GRAMD2B: variants seen among roughly 807,000 people sequenced by gnomAD.
GRAMD2B encodes the protein GRAM domain-containing protein 2B.
In GRAMD2B, 41 loss-of-function variants were observed where a neutral mutation model predicts 59.2. The ratio of observed to expected loss-of-function variants is 0.69; its 90% confidence interval spans 0.54 to 0.90. The LOEUF (loss-of-function observed/expected upper bound fraction) is 0.90. GRAMD2B is among the 40% of genes least tolerant of loss of function. The pLI, the probability that GRAMD2B is intolerant of heterozygous loss-of-function variation, is 0.00. For missense variants in GRAMD2B, 424 were observed against 500.5 expected (o/e 0.85, Z 1.46); for synonymous variants, 161 against 182.7 (o/e 0.88, Z 0.96).
intron 1 of GRAMD2B, among the ~76,000 whole-genome samples, chr5:126,410,454 G>T (rs1758682420): frequency 6.6e-6 from 1 of 151,654 alleles, no homozygotes; most frequent in Non-Finnish European, 1.5e-5. Context: ...TGAAGCAATT[G>T]TGAATGGGAG....
At chr5:126,396,323 A>C (rs999291281) in intron 1 of GRAMD2B, among the ~76,000 whole-genome samples, 3 of 150,756 alleles carry the variant, frequency 2.0e-5, no homozygotes, top group African/African-American at 7.3e-5. Context: ...TCCTCTCCCT[A>C]CTCCCACCTT....
chr5:126,491,852 G>C (rs1422879646), intron 13 of GRAMD2B, among the ~76,000 whole-genome samples: 1 of 151,942 alleles, frequency 6.6e-6, no homozygotes, highest in African/African-American at 2.4e-5. Context: ...TCCTGCCTCA[G>C]CCTCCCAAGT....
intron 1 of GRAMD2B, among the ~76,000 whole-genome samples, chr5:126,460,905 G>A (rs972972918): frequency 6.6e-5 from 10 of 152,162 alleles, no homozygotes; most frequent in Non-Finnish European, 1.3e-4. Flanking sequence ...AACCTTTGTT[G>A]ATCAAGACTG....
intron 1 of GRAMD2B, among the ~76,000 whole-genome samples, chr5:126,452,857 T>G (rs1307067723): frequency 6.6e-6 from 1 of 152,206 alleles, no homozygotes; most frequent in Non-Finnish European, 1.5e-5. Flanking sequence ...AATGAAAAAT[T>G]TCAGTTTCTC....
intron 1 of GRAMD2B, among the ~76,000 whole-genome samples, chr5:126,390,706 T>C (rs1228153052): frequency 6.6e-6 from 1 of 152,200 alleles, no homozygotes; most frequent in East Asian, 1.9e-4. Context: ...CTTGAGTTGG[T>C]CCAGCCAGTT....
intron 1 of GRAMD2B, among the ~76,000 whole-genome samples, chr5:126,434,684 A>AT (rs1762134191): frequency 6.6e-6 from 1 of 151,762 alleles, no homozygotes; most frequent in Non-Finnish European, 1.5e-5. Flanking sequence ...CGCCCGGCTA[A>AT]TTTTTTGTGT....
chr5:126,373,175 A>G (rs1276235636), intron 1 of GRAMD2B, among the ~76,000 whole-genome samples: 1 of 152,190 alleles, frequency 6.6e-6, no homozygotes, highest in Non-Finnish European at 1.5e-5. Context: ...AAAATTTAAC[A>G]TATCTCTAAG....
At chr5:126,369,754 T>C (rs1277428682), upstream of GRAMD2B, among the ~76,000 whole-genome samples, 1 of 152,178 alleles carries the variant, frequency 6.6e-6, no homozygotes, top group Non-Finnish European at 1.5e-5. Flanking sequence ...AGACATTTTG[T>C]TCTAAGTTAG....
intron 1 of GRAMD2B, among the ~76,000 whole-genome samples, chr5:126,399,912 T>G (rs1021988499): frequency 1.6e-4 from 24 of 152,190 alleles, no homozygotes; most frequent in African/African-American, 5.5e-4. Context: ...TCCCATTTTC[T>G]TAATCCATTC....
chr5:126,375,884 C>T (rs1208716694), intron 1 of GRAMD2B, among the ~76,000 whole-genome samples: 3 of 152,138 alleles, frequency 2.0e-5, no homozygotes, highest in Non-Finnish European at 4.4e-5. Flanking sequence ...CTTTCCCAGC[C>T]TCCATTGAGT....
At chr5:126,390,970 A>G (rs1284632502) in intron 1 of GRAMD2B, among the ~76,000 whole-genome samples, 1 of 152,136 alleles carries the variant, frequency 6.6e-6, no homozygotes, top group Non-Finnish European at 1.5e-5. Flanking sequence ...ACTTTGCTGT[A>G]CTCCAACTCC....
At chr5:126,385,124 G>A (rs563798827) in intron 1 of GRAMD2B, among the ~76,000 whole-genome samples, 1 of 152,246 alleles carries the variant, frequency 6.6e-6, no homozygotes, top group Non-Finnish European at 1.5e-5. Flanking sequence ...CACCCCAGGA[G>A]GGCTGAAGCT....
chr5:126,433,107 A>G (rs943732346), intron 1 of GRAMD2B, among the ~76,000 whole-genome samples: 1 of 152,252 alleles, frequency 6.6e-6, no homozygotes, highest in Admixed American at 6.5e-5. Context: ...TTGAGATTCG[A>G]TCTTCTTTCA....
At chr5:126,362,180 A>G (rs1398334810) in intron 1 of GRAMD2B, among the ~76,000 whole-genome samples, 1 of 152,224 alleles carries the variant, frequency 6.6e-6, no homozygotes, top group Non-Finnish European at 1.5e-5. Context: ...AAAAGATCCT[A>G]TGAGCTCAAT....
chr5:126,380,027 T>A (rs1755529317), intron 1 of GRAMD2B, among the ~76,000 whole-genome samples: 1 of 152,214 alleles, frequency 6.6e-6, no homozygotes, highest in Admixed American at 6.5e-5. Flanking sequence ...ATTCTAGAAT[T>A]TTTATGGTTT....
At chr5:126,445,438 A>G (rs1401503672) in intron 1 of GRAMD2B, 16 of 152,044 alleles carry the variant, frequency 1.1e-4, no homozygotes, top group Admixed American at 1.0e-3. Context: ...GTATTTCTCT[A>G]ATGATCAGTG....
intron 8 of GRAMD2B, chr5:126,480,982 T>G (rs1771622969): frequency 2.2e-6 from 1 of 464,358 alleles, no homozygotes; most frequent in African/African-American, 2.0e-5. Context: ...TCATAAAATC[T>G]TGCTCTGTTT....
intron 6 of GRAMD2B, among the ~76,000 whole-genome samples, chr5:126,479,611 C>G (rs1771331620): frequency 6.6e-6 from 1 of 151,804 alleles, no homozygotes; most frequent in African/African-American, 2.4e-5. Flanking sequence ...CCAATGTCAC[C>G]CACTTAGTAA....
intron 1 of GRAMD2B, among the ~76,000 whole-genome samples, chr5:126,456,917 A>G (rs4835903): frequency 0.87 from 131,736 of 152,018 alleles, 58,268 homozygotes; most frequent in East Asian, 0.99. Flanking sequence ...CTGAGGCCGG[A>G]CACAGTGGCT....
Sources: allele counts gnomAD v4.1 joint callset (sites outside exome capture counted in the v4.1 genomes callset), GRCh38; gene constraint gnomAD v4.1.1; transcripts MANE v1.5; gene names NCBI Gene and HGNC (gene_info 2026-07-23, HGNC 2026-07-21).